Variants in WDFY4 observed in about 807,000 individuals in gnomAD.
The protein encoded by WDFY4 is WD repeat- and FYVE domain-containing protein 4.
A neutral mutation model predicts 351.9 loss-of-function variants in WDFY4; 169 were observed. The ratio of observed to expected loss-of-function variants is 0.48; its 90% CI spans 0.42 to 0.55. The LOEUF is 0.55. Ranked by LOEUF, WDFY4 falls within the 20% of genes least tolerant of loss-of-function variation. The pLI is 0.00. For synonymous variants in WDFY4, 1,622 were observed against 1,574.6 expected (o/e 1.03, Z -0.71); for missense variants, 3,803 against 3,935.6 (o/e 0.97, Z 0.90).
At chr10:48,904,652 T>C (rs759565442) in intron 47 of WDFY4, among the ~76,000 whole-genome samples, 2 of 152,226 alleles carry the variant, frequency 1.3e-5, no homozygotes, top group Admixed American at 6.5e-5. Flanking sequence ...AGACTGACAG[T>C]CAATCATGCA....
intron 16 of WDFY4, 140 bp downstream of exon 16, chr10:48,777,124 C>A: frequency 8.9e-7 from 1 of 1,127,458 alleles, no homozygotes; most frequent in Non-Finnish European, 1.2e-6. Flanking sequence ...TCATGGACAC[C>A]CGCCTACTCA....
chr10:48,686,871 G>A (rs2063064488), intron 1 of WDFY4, among the ~76,000 whole-genome samples: 1 of 151,954 alleles, frequency 6.6e-6, no homozygotes, highest in South Asian at 2.1e-4. Flanking sequence ...ATTTATCTTG[G>A]GTATATACTC....
intron 12 of WDFY4, among the ~76,000 whole-genome samples, chr10:48,752,645 G>A (rs1475587418): frequency 6.6e-5 from 10 of 152,186 alleles, no homozygotes; most frequent in Admixed American, 2.0e-4. Context: ...TTCCTTTGGC[G>A]TTTGACTTCT....
chr10:48,953,588 G>GAGGGCGTCAGT (rs2133809784), intron 51 of WDFY4, among the ~76,000 whole-genome samples: 1 of 152,338 alleles, frequency 6.6e-6, no homozygotes, highest in East Asian at 1.9e-4. Flanking sequence ...ACAGGGTCCT[G>GAGGGCGTCAGT]TAAGTGAGTT....
intron 43 of WDFY4, among the ~76,000 whole-genome samples, chr10:48,887,819 A>G (rs564902421): frequency 2.6e-4 from 40 of 151,186 alleles, no homozygotes; most frequent in Non-Finnish European, 4.7e-4. Flanking sequence ...TTACTTGTGT[A>G]TTCAAAATGA....
chr10:48,778,597 G>A lies in WDFY4; in HGVS notation c.3176-14G>A. ...CAGAACAAAGCCTGAGGGCATGCCT[G>A]TGTTCCCACCCAGGTGCCACCAGAC... is the stretch of plus-strand genomic sequence containing the variant. On this transcript the variant is annotated splice_polypyrimidine_tract_variant and intron_variant, in intron 17 of 61. Coordinates refer to ENST00000325239, the MANE Select transcript of WDFY4 (RefSeq NM_001394531.1). 11 of 1,549,492 alleles carry A rather than the reference G, an allele frequency of 7.1e-6. No individual in the cohort carries two copies. Among genetic ancestry groups the A allele is most frequent in the Non-Finnish European group, 9.6e-6 (11 of 1,146,684 alleles).
rs923703672 is a variant in WDFY4, at chr10:48,823,131, A to G, written c.5982+594A>G. 2.3e-6 allele frequency: 3 copies of G among 1,302,174 alleles called. No homozygotes were observed. The African/African-American group carries it at 4.6e-5, about 20-fold the overall frequency. The allele number at this position is 1,302,174 out of a possible 1,614,324, so 80.7% of individuals were successfully genotyped here. On this transcript the variant is annotated intron_variant, in intron 35 of 61. Transcript: ENST00000325239. Reference sequence around the variant, plus strand: ...GTGCATGCATATACACACAGAGAGAATCGTACAATCTCAAAATTCCAGCAT... The same window carrying G: ...GTGCATGCATATACACACAGAGAGAGTCGTACAATCTCAAAATTCCAGCAT...
At chr10:48,902,474 G>A (rs1208984929) in intron 47 of WDFY4, among the ~76,000 whole-genome samples, 2 of 152,150 alleles carry the variant, frequency 1.3e-5, no homozygotes, top group African/African-American at 2.4e-5. Flanking sequence ...ACAGGAATGT[G>A]TGGGGACCAA....
intron 39 of WDFY4, among the ~76,000 whole-genome samples, chr10:48,836,958 C>G (rs920995319): frequency 6.6e-6 from 1 of 152,104 alleles, no homozygotes; most frequent in African/African-American, 2.4e-5. Context: ...TTAAAAACAG[C>G]TGAAAAGACA....
chr10:48,937,181 A>G (rs1054244994), intron 47 of WDFY4, among the ~76,000 whole-genome samples: 8 of 152,176 alleles, frequency 5.3e-5, no homozygotes, highest in Non-Finnish European at 1.5e-5. Context: ...CGTGTGAGCC[A>G]CTGTGCCAGC....
chr10:48,907,878 A>T (rs1837701373), intron 47 of WDFY4, among the ~76,000 whole-genome samples: 1 of 152,206 alleles, frequency 6.6e-6, no homozygotes, highest in African/African-American at 2.4e-5. Context: ...AACTACTCAT[A>T]TCCTCTGTCT....
intron 16 of WDFY4, 132 bp downstream of exon 16, chr10:48,777,116 A>G (rs750322937): frequency 2.4e-5 from 28 of 1,183,944 alleles, no homozygotes; most frequent in Non-Finnish European, 3.1e-5. Context: ...TGTCTGGGTC[A>G]TGGACACCCG....
chr10:48,910,843 G>A (rs12254529), intron 47 of WDFY4: 17 of 898,306 alleles, frequency 1.9e-5, no homozygotes, highest in East Asian at 2.4e-4. Flanking sequence ...GTGCTGCAGC[G>A]GGGAAGGGAG....
rs1449140826 is a variant in WDFY4, at chr10:48,957,265, G to A, written c.8114G>A (p.Cys2705Tyr). ...TACCTGCCTGAGTTCTTAACCAACT[G>A]CAACGGGGTAGAGTTCGGTAAGTGG... ...FFYLPEFLTN[C>Y]NGVEFGCMQD... Residue 2705 changes from cysteine (C) to tyrosine (Y), a missense_variant, in exon 52 of 62, where the codon TGC becomes TAC. Coordinates refer to ENST00000325239, the MANE Select transcript of WDFY4 (RefSeq NM_001394531.1). 3 of 1,551,574 alleles carry A rather than the reference G, an allele frequency of 1.9e-6. No individual in the cohort carries two copies. Among genetic ancestry groups the A allele is most frequent in the South Asian group, 1.2e-5 (1 of 84,054 alleles).
chr10:48,867,726 T>C (rs1314886054), intron 40 of WDFY4, among the ~76,000 whole-genome samples: 2 of 152,238 alleles, frequency 1.3e-5, no homozygotes, highest in African/African-American at 4.8e-5. Context: ...AGACTGTGGC[T>C]GATAGAGAAT....
intron 42 of WDFY4, among the ~76,000 whole-genome samples, chr10:48,875,723 C>G (rs1385337372): frequency 1.3e-5 from 2 of 152,212 alleles, no homozygotes; most frequent in Non-Finnish European, 2.9e-5. Context: ...CCAATGACTA[C>G]TTGTTACTGC....
intron 1 of WDFY4, among the ~76,000 whole-genome samples, chr10:48,690,846 A>G (rs1317395291): frequency 6.6e-6 from 1 of 152,156 alleles, no homozygotes; most frequent in Non-Finnish European, 1.5e-5. Context: ...ACTGGGCCAT[A>G]GGTGGCCATG....
At chr10:48,808,281 C>T (rs190533721) in intron 28 of WDFY4, among the ~76,000 whole-genome samples, 1 of 152,248 alleles carries the variant, frequency 6.6e-6, no homozygotes, top group East Asian at 1.9e-4. Flanking sequence ...ATGTCTTGTA[C>T]TTGGCAGACA....
intron 43 of WDFY4, among the ~76,000 whole-genome samples, chr10:48,886,333 G>A (rs1314834696): frequency 6.6e-6 from 1 of 152,180 alleles, no homozygotes; most frequent in Non-Finnish European, 1.5e-5. Context: ...CCAGTAGATT[G>A]TTGTCTCCCT....
Sources: allele counts gnomAD v4.1 joint callset (sites outside exome capture counted in the v4.1 genomes callset), GRCh38; gene constraint gnomAD v4.1.1; transcripts MANE v1.5; gene names NCBI Gene and HGNC (gene_info 2026-07-23, HGNC 2026-07-21).